The following CNGB3 variants were observed in gnomAD, a reference collection of about 807,000 sequenced individuals.
The protein encoded by CNGB3 is cyclic nucleotide-gated channel beta-3.
A neutral mutation model predicts 92.8 loss-of-function variants in CNGB3; 86 were observed. That is an observed-to-expected ratio of 0.93 (90% CI 0.78 to 1.11). CNGB3 has a LOEUF of 1.11. Among genes scored for constraint, CNGB3 ranks in the 50% least tolerant of loss-of-function variants. The pLI, the probability that CNGB3 is intolerant of heterozygous loss-of-function variation, is 0.00. For synonymous variants in CNGB3, 333 were observed against 332.7 expected (o/e 1.00, Z -0.01); for missense variants, 1,026 against 956.8 (o/e 1.07, Z -0.95).
chr8:86,578,918 A>C, intron 16 of CNGB3, 55 bp from the exon 17 acceptor site: 3 of 1,609,158 alleles, frequency 1.9e-6, no homozygotes, highest in Non-Finnish European at 2.6e-6. Context: ...TTCTGGCAAA[A>C]TCTACTAAAA....
At chr8:86,629,292 A>G (rs550643741) in intron 11 of CNGB3, among the ~76,000 whole-genome samples, 1 of 152,282 alleles carries the variant, frequency 6.6e-6, no homozygotes, top group African/African-American at 2.4e-5. Context: ...AATATCACCC[A>G]CTTCCATAAA....
intron 12 of CNGB3, among the ~76,000 whole-genome samples, chr8:86,627,101 ATT>A (rs35587099): frequency 2.6e-4 from 40 of 151,906 alleles, no homozygotes; most frequent in African/African-American, 5.1e-4. Context: ...CTGAGAGTTG[ATT>A]TTTTTTTAAT....
chr8:86,628,902 T>C lies in CNGB3; in HGVS notation c.1480+17A>G. On this transcript the variant is annotated intron_variant, in intron 12 of 17. Coordinates refer to ENST00000320005, the MANE Select transcript of CNGB3 (RefSeq NM_019098.5). ...ACAAGGTTTACAGGAATTTAATCGGTAATCTGCCATGCTTACCTAGCATTC... is the reference window on the plus strand; with the variant it reads ...ACAAGGTTTACAGGAATTTAATCGGCAATCTGCCATGCTTACCTAGCATTC... 6.2e-7 allele frequency: 1 copy of C among 1,613,506 alleles called. No homozygotes were observed. Among genetic ancestry groups the C allele is most frequent in the South Asian group, 1.1e-5 (1 of 91,076 alleles).
chr8:86,583,588 G>A (rs1358811753), intron 15 of CNGB3, among the ~76,000 whole-genome samples: 2 of 152,102 alleles, frequency 1.3e-5, no homozygotes, highest in Non-Finnish European at 2.9e-5. Context: ...CCTGCACCTA[G>A]CATTAATGAC....
chr8:86,669,397 T>C (rs1282554514), intron 4 of CNGB3, among the ~76,000 whole-genome samples: 1 of 152,170 alleles, frequency 6.6e-6, no homozygotes, highest in Admixed American at 6.6e-5. Flanking sequence ...TGTAACAGGT[T>C]TAAAGCTCAC....
rs1448510457 is a variant in CNGB3, at chr8:86,657,157, A to G, written c.853-3095T>C. On this transcript the variant is annotated intron_variant, in intron 6 of 17. Transcript: ENST00000320005. Reference sequence around the variant, plus strand: ...GGCCTCCTGCAAATAAATCAACCCTATGAGCCTCTGGCTCTTAAATAACAA... The same window carrying G: ...GGCCTCCTGCAAATAAATCAACCCTGTGAGCCTCTGGCTCTTAAATAACAA... Among the ~76,000 whole-genome samples, 3 of 152,184 alleles carry G rather than the reference A, an allele frequency of 2.0e-5. No individual in the cohort carries two copies. The East Asian group carries it at 5.8e-4, about 29-fold the overall frequency.
chr8:86,659,202 C>G, intron 6 of CNGB3: 2 of 719,420 alleles, frequency 2.8e-6, no homozygotes, highest in Non-Finnish European at 5.1e-6. Context: ...CGGCTGCATC[C>G]TCTGCTACCG....
chr8:86,679,015 C>T (rs1824029660), intron 3 of CNGB3, among the ~76,000 whole-genome samples: 1 of 151,972 alleles, frequency 6.6e-6, no homozygotes, highest in Admixed American at 6.6e-5. Context: ...GGTGACCCTG[C>T]TTTTACCATT....
chr8:86,666,821 G>T, intron 6 of CNGB3, 104 bp downstream of exon 6: 1 of 895,922 alleles, frequency 1.1e-6, no homozygotes, highest in Non-Finnish European at 1.8e-6. Context: ...AATTATCCAT[G>T]CAGATAGCCA....
chr8:86,609,675 C>T (rs779164008), intron 14 of CNGB3, among the ~76,000 whole-genome samples: 15 of 152,154 alleles, frequency 9.9e-5, no homozygotes, highest in Non-Finnish European at 2.2e-4. Context: ...TCACTGTGTA[C>T]TTGGCATCTC....
At chr8:86,582,393 CAAA>C (rs35627136) in intron 15 of CNGB3, among the ~76,000 whole-genome samples, 7 of 134,840 alleles carry the variant, frequency 5.2e-5, no homozygotes, top group Non-Finnish European at 4.8e-5. Flanking sequence ...GACCCTATCT[CAAA>C]AAAAAAAAAA....
At chr8:86,732,168 A>G (rs1473332882) in intron 2 of CNGB3, among the ~76,000 whole-genome samples, 1 of 152,214 alleles carries the variant, frequency 6.6e-6, no homozygotes, top group Non-Finnish European at 1.5e-5. Context: ...TATCGGTCAG[A>G]ATCTGTTCTC....
chr8:86,713,209 A>G (rs1159387549), intron 3 of CNGB3, among the ~76,000 whole-genome samples: 1 of 152,170 alleles, frequency 6.6e-6, no homozygotes, highest in African/African-American at 2.4e-5. Context: ...TAGTGGTTAG[A>G]GAATATATTC....
chr8:86,585,188 T>C (rs1821868750), intron 15 of CNGB3, among the ~76,000 whole-genome samples: 1 of 152,148 alleles, frequency 6.6e-6, no homozygotes, highest in South Asian at 2.1e-4. Flanking sequence ...GTAAGATAAC[T>C]TGTATATGCA....
intron 10 of CNGB3, among the ~76,000 whole-genome samples, chr8:86,635,885 C>CATGCTTAAAG (rs1823062806): frequency 8.0e-6 from 1 of 124,552 alleles, no homozygotes; most frequent in Non-Finnish European, 1.6e-5. Flanking sequence ...TATACTTAGG[C>CATGCTTAAAG]ATACTTAAAG....
At chr8:86,661,665 C>A (rs1823642173) in intron 6 of CNGB3, 2 of 907,504 alleles carry the variant, frequency 2.2e-6, no homozygotes, top group African/African-American at 3.3e-5. Flanking sequence ...ATATCTCCAG[C>A]CATCTCTTCT....
chr8:86,581,529 CTA>C (rs1821765348), intron 15 of CNGB3, among the ~76,000 whole-genome samples: 1 of 152,100 alleles, frequency 6.6e-6, no homozygotes, highest in South Asian at 2.1e-4. Context: ...TACCGCAGGC[CTA>C]CTATTTAGAG....
chr8:86,661,530 C>T, intron 6 of CNGB3: 1 of 680,050 alleles, frequency 1.5e-6, no homozygotes, highest in East Asian at 2.9e-5. Flanking sequence ...TTTAAATGGC[C>T]TTGACTTTGA....
intron 2 of CNGB3, among the ~76,000 whole-genome samples, chr8:86,735,637 C>T (rs1825238200): frequency 1.3e-5 from 2 of 152,146 alleles, no homozygotes; most frequent in Admixed American, 1.3e-4. Context: ...GAGCATCAAT[C>T]CAACTCTGCT....
Sources: allele counts gnomAD v4.1 joint callset (sites outside exome capture counted in the v4.1 genomes callset), GRCh38; gene constraint gnomAD v4.1.1; transcripts MANE v1.5; gene names NCBI Gene and HGNC (gene_info 2026-07-23, HGNC 2026-07-21).